ZRANB3: variants seen among roughly 807,000 people sequenced by gnomAD.
ZRANB3 encodes the protein zinc finger RANBP2-type containing 3.
ZRANB3 carries 125 observed loss-of-function variants against 133.8 expected under a neutral mutation model. The ratio of observed to expected loss-of-function variants is 0.93; its 90% CI spans 0.81 to 1.08. The LOEUF is 1.08. Among genes scored for constraint, ZRANB3 ranks in the 50% least tolerant of loss-of-function variants. The pLI is 0.00. For missense variants in ZRANB3, 1,229 were observed against 1,275.5 expected (o/e 0.96, Z 0.56); for synonymous variants, 387 against 432.7 (o/e 0.89, Z 1.31).
chr2:135,326,105 A>G (rs896251780), intron 6 of ZRANB3, among the ~76,000 whole-genome samples: 2 of 152,240 alleles, frequency 1.3e-5, no homozygotes, highest in African/African-American at 4.8e-5. Context: ...TACAAACTAC[A>G]GGGAAAAAAC....
intron 2 of ZRANB3, among the ~76,000 whole-genome samples, chr2:135,416,173 T>C (rs1158940311): frequency 6.6e-6 from 1 of 151,790 alleles, no homozygotes; most frequent in African/African-American, 2.4e-5. Context: ...AAGTTGTCCC[T>C]GTTTGCAGAT....
intron 2 of ZRANB3, among the ~76,000 whole-genome samples, chr2:135,396,394 A>C (rs1036831778): frequency 6.6e-6 from 1 of 152,204 alleles, no homozygotes; most frequent in Non-Finnish European, 1.5e-5. Context: ...CACAATAGCC[A>C]AGATTTGGAA....
rs544403405 is a variant in ZRANB3 at position 135,385,288 on chromosome 2, T to C, written c.180+5514A>G. Among the ~76,000 whole-genome samples, 458 of 152,232 alleles carry C rather than the reference T, an allele frequency of 3.0e-3. 2 individuals are homozygous for C. The highest frequency in any genetic ancestry group is 0.01 in the African/African-American group (433 of 41,526). On this transcript the variant is annotated intron_variant, in intron 3 of 20. Transcript: ENST00000264159. ...ACCTAGGAATCCAACTTACAAGGGA[T>C]GTGAAGGACCTCTTCAAGGAGAACT...
chr2:135,493,534 CTATA>C (rs1436843631), intron 2 of ZRANB3, among the ~76,000 whole-genome samples: 1 of 151,832 alleles, frequency 6.6e-6, no homozygotes, highest in Non-Finnish European at 1.5e-5. Context: ...ACATATATAA[CTATA>C]TAAGGATGAT....
intron 1 of ZRANB3, among the ~76,000 whole-genome samples, chr2:135,527,463 ACAGGAGAAT>A (rs1432869075): frequency 6.6e-6 from 1 of 152,008 alleles, no homozygotes; most frequent in Non-Finnish European, 1.5e-5. Flanking sequence ...GGAGGCTGAG[ACAGGAGAAT>A]CACTTGAACC....
chr2:135,334,915 A>C (rs7597247), intron 6 of ZRANB3, among the ~76,000 whole-genome samples: 15,830 of 151,994 alleles, frequency 0.1, 1,089 homozygotes, highest in South Asian at 0.32. Context: ...ATATTTTAAA[A>C]ATAAAAATAA....
intron 12 of ZRANB3, among the ~76,000 whole-genome samples, chr2:135,237,143 C>T (rs1404346476): frequency 6.6e-6 from 1 of 152,122 alleles, no homozygotes; most frequent in Non-Finnish European, 1.5e-5. Context: ...TATGAACAGA[C>T]ACTTCTCAAA....
chr2:135,471,580 C>G (rs983459479), intron 2 of ZRANB3, among the ~76,000 whole-genome samples: 7 of 152,052 alleles, frequency 4.6e-5, no homozygotes, highest in African/African-American at 1.4e-4. Context: ...CATATTTTAT[C>G]AAATATTAGT....
intron 8 of ZRANB3, among the ~76,000 whole-genome samples, chr2:135,299,047 C>A (rs149264765): frequency 6.6e-6 from 1 of 152,040 alleles, no homozygotes; most frequent in Non-Finnish European, 1.5e-5. Context: ...CTTTCTCGGG[C>A]GATGGACAGG....
chr2:135,305,329 T>A (rs952519916), intron 8 of ZRANB3, among the ~76,000 whole-genome samples: 2 of 152,240 alleles, frequency 1.3e-5, no homozygotes, highest in Non-Finnish European at 2.9e-5. Context: ...TTTAGGTTTC[T>A]CTTTGTGTGG....
chr2:135,462,534 T>G (rs1483794815), intron 2 of ZRANB3, among the ~76,000 whole-genome samples: 1 of 152,020 alleles, frequency 6.6e-6, no homozygotes, highest in Non-Finnish European at 1.5e-5. Flanking sequence ...TTTCTTCCTT[T>G]CTTTCCCTTC....
At position 135,353,565 on chromosome 2, in the gene ZRANB3, G is replaced by A; in HGVS notation, c.244C>T (p.Leu82=). ...ITYFYKEEWP[L]LIVVPSSLRY... Reference sequence around the variant, plus strand: ...AGAGACGAAGGGACCACTATTAACAGAGGCCATTCCTCTTTATAGAAGTAA... The same window carrying A: ...AGAGACGAAGGGACCACTATTAACAAAGGCCATTCCTCTTTATAGAAGTAA... The change falls in exon 4 of 21, where the codon CTG becomes TTG. Residue 82 remains leucine (L), a synonymous_variant. Coordinates refer to ENST00000264159, the MANE Select transcript of ZRANB3 (RefSeq NM_032143.4). 1 of 1,608,290 alleles carries A rather than the reference G, an allele frequency of 6.2e-7. No homozygotes were observed. The highest frequency in any genetic ancestry group is 8.5e-7 in the Non-Finnish European group (1 of 1,176,532).
intron 2 of ZRANB3, among the ~76,000 whole-genome samples, chr2:135,469,045 TAC>T (rs1405357625): frequency 1.3e-5 from 2 of 152,184 alleles, no homozygotes; most frequent in Admixed American, 6.5e-5. Flanking sequence ...TCACTATAGT[TAC>T]AGTTATGACT....
chr2:135,351,646 T>C (rs1685213909), intron 4 of ZRANB3, among the ~76,000 whole-genome samples: 1 of 152,180 alleles, frequency 6.6e-6, no homozygotes, highest in African/African-American at 2.4e-5. Flanking sequence ...GAGAGCAACA[T>C]ATAGGAGACT....
chr2:135,482,729 T>C (rs1444707212), intron 2 of ZRANB3, among the ~76,000 whole-genome samples: 1 of 152,234 alleles, frequency 6.6e-6, no homozygotes, highest in East Asian at 1.9e-4. Context: ...TTTTTGCCCA[T>C]TCAGTATGAT....
In ZRANB3 at chr2:135,315,401, G is replaced by C. The variant is rs770787555; in HGVS notation, c.807C>G (p.Val269=). The C allele has an allele frequency of 6.2e-7, 1 of 1,603,756 alleles. No homozygotes were observed. The highest frequency in any genetic ancestry group is 8.5e-7 in the Non-Finnish European group (1 of 1,176,236). ...GAAGATCAAATGGAATACGCTGTCT[G>C]ACTTTAGGGGGTAGCTGGGTTAAAA... is the stretch of plus-strand genomic sequence containing the variant. The part of the protein sequence containing the change: ...TEVLTQLPPK[V]RQRIPFDLPS... The change falls in exon 7 of 21, where the codon GTC becomes GTG. Residue 269 remains valine (V), a synonymous_variant. Coordinates refer to ENST00000264159, the MANE Select transcript of ZRANB3 (RefSeq NM_032143.4).
chr2:135,330,651 TG>T (rs1216552596), intron 6 of ZRANB3, among the ~76,000 whole-genome samples: 1 of 151,742 alleles, frequency 6.6e-6, no homozygotes, highest in Non-Finnish European at 1.5e-5. Flanking sequence ...TTTGTAATTC[TG>T]GTAGAATTCC....
intron 2 of ZRANB3, among the ~76,000 whole-genome samples, chr2:135,486,745 C>T (rs1692141678): frequency 6.6e-6 from 1 of 152,142 alleles, no homozygotes; most frequent in Non-Finnish European, 1.5e-5. Context: ...AACTCCTGAC[C>T]TCAGGTGATC....
chr2:135,419,226 C>T (rs987516361), intron 2 of ZRANB3, among the ~76,000 whole-genome samples: 5 of 151,772 alleles, frequency 3.3e-5, no homozygotes, highest in African/African-American at 1.2e-4. Context: ...CCTGAGCCAC[C>T]GCACCTAGGC....
Sources: allele counts gnomAD v4.1 joint callset (sites outside exome capture counted in the v4.1 genomes callset), GRCh38; gene constraint gnomAD v4.1.1; transcripts MANE v1.5; gene names NCBI Gene and HGNC (gene_info 2026-07-23, HGNC 2026-07-21).